ITIH4: variants seen among roughly 807,000 people sequenced by gnomAD.
ITIH4 encodes inter-alpha-trypsin inhibitor heavy chain H4.
A neutral mutation model predicts 111.8 loss-of-function variants in ITIH4; 79 were observed. That is an observed-to-expected ratio of 0.71 (90% CI 0.59 to 0.85). The LOEUF (loss-of-function observed/expected upper bound fraction) is 0.85. Among genes scored for constraint, ITIH4 ranks in the 40% least tolerant of loss-of-function variants. The probability of loss-of-function intolerance (pLI) is 0.00; values close to 1 mark genes in which losing one functional copy is unlikely to be tolerated. For synonymous variants in ITIH4, 472 were observed against 468.3 expected, an observed-to-expected ratio of 1.01 and a Z score of -0.10; for missense variants, 1,065 against 1,195.8, an observed-to-expected ratio of 0.89 and a Z score of 1.61.
At position 52,818,554 on chromosome 3, in the gene ITIH4, G is replaced by C; in HGVS notation, c.2078-18C>G. The C allele has an allele frequency of 6.3e-7, 1 of 1,588,148 alleles. No homozygotes were observed. Among genetic ancestry groups the C allele is most frequent in the Non-Finnish European group, 8.6e-7 (1 of 1,166,856 alleles). ...AGCAGGCACTAGGGCAGGAACATCC[G>C]GAAACAGAAAGGGAGCAGGAAGGCA... On this transcript the variant is annotated intron_variant, in intron 17 of 23. Coordinates refer to ENST00000266041, the MANE Select transcript of ITIH4 (RefSeq NM_002218.5).
chr3:52,828,799 C>T (rs1176563070), intron 2 of ITIH4, among the ~76,000 whole-genome samples: 1 of 152,166 alleles, frequency 6.6e-6, no homozygotes, highest in East Asian at 1.9e-4. Flanking sequence ...TTGGTGACTC[C>T]CTCTTGCCTG....
At chr3:52,820,037 G>A (rs746990708) in intron 14 of ITIH4, 47 bp from the exon 15 acceptor site, 3 of 1,588,208 alleles carry the variant, frequency 1.9e-6, no homozygotes, top group Admixed American at 3.3e-5. Context: ...CCACCTTCCT[G>A]TGGCCCCACT....
At chr3:52,821,195 T>C in intron 11 of ITIH4, 65 bp from the exon 12 acceptor site, 1 of 1,561,336 alleles carries the variant, frequency 6.4e-7, no homozygotes, top group African/African-American at 1.4e-5. Flanking sequence ...TGCCTGGCAC[T>C]TCTGAGCTCT....
Position 52,827,082 on chromosome 3 carries a change from C to G in ITIH4, c.356+11G>C, listed in dbSNP as rs199822534. 1.2e-4 allele frequency: 201 copies of G among 1,612,770 alleles called. No individual in the cohort carries two copies. In the East Asian group the frequency reaches 3.8e-3, roughly 30 times the overall value. ...GACCCTCCCCACTGAAGCTGCCCCC[C>G]ACCAGCTCACTTGACGAGGCCAGCG... On this transcript the variant is annotated intron_variant, in intron 3 of 23. Transcript: ENST00000266041.
rs148519727 is a variant in ITIH4, at chr3:52,829,053, G to A, written c.251+66C>T. 1.7e-3 allele frequency: 2,337 copies of A among 1,385,086 alleles called. 29 individuals are homozygous for A. In the African/African-American group the frequency reaches 0.029, roughly 17 times the overall value. The allele number at this position is 1,385,086 out of a possible 1,614,324, so 85.8% of individuals were successfully genotyped here. A position where few individuals can be genotyped will look rare whatever the true frequency, so the allele number is the denominator to read the frequency against. On this transcript the variant is annotated intron_variant, in intron 2 of 23. Transcript: ENST00000266041. ...CTTACTTCAAGAAGAGGGTTTGCTG[G>A]CACAGAGCGATGGAGTCATAGCACT... is the stretch of plus-strand genomic sequence containing the variant.
At chr3:52,830,220 G>A (rs982820364) in intron 1 of ITIH4, 1 of 396,396 alleles carries the variant, frequency 2.5e-6, no homozygotes, top group South Asian at 2.0e-5. Flanking sequence ...ATAGGTTCTA[G>A]TATTACCCTG....
intron 11 of ITIH4, 40 bp downstream of exon 11, chr3:52,823,516 G>C: frequency 1.3e-6 from 2 of 1,528,912 alleles, no homozygotes; most frequent in Non-Finnish European, 8.9e-7. Flanking sequence ...CAGAGGTGGA[G>C]GCTGCCATTC....
intron 5 of ITIH4, 93 bp from the exon 6 acceptor site, chr3:52,826,107 T>C (rs529444071): frequency 6.5e-7 from 1 of 1,534,164 alleles, no homozygotes; most frequent in African/African-American, 1.4e-5. Context: ...AAATCAGAAT[T>C]CCAGGATGCA....
Position 52,826,005 on chromosome 3 carries a change from G to A in ITIH4, c.640C>T (p.Arg214Trp), listed in dbSNP as rs754548083. The change falls in exon 6 of 24, where the codon CGG becomes TGG. Residue 214 changes from arginine to tryptophan, a missense_variant. By Grantham distance (101) the Arg-to-Trp change is moderately radical (BLOSUM62 -3). Transcript: ENST00000266041. ...TWQNKTKAHIRFKPTLSQQQK... is the reference protein window; with the variant it reads ...TWQNKTKAHIWFKPTLSQQQK... Reference sequence around the variant, plus strand: ...TGCTGGGAAAGTGTTGGCTTGAACCGGATGTGAGCCTGGAGGAATAATCCG... The same window carrying A: ...TGCTGGGAAAGTGTTGGCTTGAACCAGATGTGAGCCTGGAGGAATAATCCG... The A allele has an allele frequency of 8.7e-6, 14 of 1,614,074 alleles. No homozygotes were observed. The highest frequency in any genetic ancestry group is 3.3e-5 in the South Asian group (3 of 91,068).
intron 6 of ITIH4, among the ~76,000 whole-genome samples, chr3:52,825,570 C>G (rs982232067): frequency 6.6e-6 from 1 of 152,008 alleles, no homozygotes; most frequent in Non-Finnish European, 1.5e-5. Flanking sequence ...AATATAACAA[C>G]AATAATAATG....
At chr3:52,830,178 T>C in intron 1 of ITIH4, 1 of 366,290 alleles carries the variant, frequency 2.7e-6, no homozygotes, top group South Asian at 2.1e-5. Flanking sequence ...ATAGATACAA[T>C]GGGTTTGGTT....
intron 23 of ITIH4, 99 bp from the exon 24 acceptor site, chr3:52,813,589 G>A (rs1482510845): frequency 2.0e-6 from 2 of 1,005,076 alleles, no homozygotes; most frequent in African/African-American, 3.2e-5. Flanking sequence ...GGAGGGCAGG[G>A]AGTCCTGGCG....
intron 12 of ITIH4, 22 bp from the exon 13 acceptor site, chr3:52,820,807 G>T (rs779196261): frequency 6.3e-7 from 1 of 1,589,534 alleles, no homozygotes; most frequent in African/African-American, 1.3e-5. Flanking sequence ...GCACATCAGA[G>T]CTCAGGAGAT....
chr3:52,818,049 C>T lies in ITIH4; in HGVS notation c.2296+3G>A. 6.2e-7 allele frequency: 1 copy of T among 1,610,164 alleles called. No individual in the cohort carries two copies. Among genetic ancestry groups the T allele is most frequent in the Non-Finnish European group, 8.5e-7 (1 of 1,177,232 alleles). On this transcript the variant is annotated splice_donor_region_variant and intron_variant, in intron 20 of 23. Transcript: ENST00000266041. ...TGGGTCTCTCTGGGTGTGCCTCTCT[C>T]ACCTTGCTCAGGGTCTGAGAGCAGG...
chr3:52,816,515 C>A (rs997502819), intron 21 of ITIH4, among the ~76,000 whole-genome samples: 1 of 152,180 alleles, frequency 6.6e-6, no homozygotes, highest in African/African-American at 2.4e-5. Flanking sequence ...CAACTACACT[C>A]TCTCATTGGG....
chr3:52,823,279 G>A (rs1031847159), intron 11 of ITIH4: 2 of 403,462 alleles, frequency 5.0e-6, no homozygotes, highest in Non-Finnish European at 8.9e-6. Context: ...AACCTGAGAG[G>A]GTTGTGGTAC....
rs1161518479 is a variant in ITIH4, at chr3:52,823,449, CAG to C, written c.1539+105_1539+106del. On this transcript the variant is annotated intron_variant, in intron 11 of 23. Coordinates refer to ENST00000266041, the MANE Select transcript of ITIH4 (RefSeq NM_002218.5). ...ATGCCCCTGTGTCATCCACAGGCAG[CAG>C]AGGGGAAAGCTGGAGCTGGGCAGGT... The C allele has an allele frequency of 6.8e-6, 6 of 876,106 alleles. No individual in the cohort carries two copies. The African/African-American group carries it at 1.0e-4, about 15-fold the overall frequency. The allele number at this position is 876,106 out of a possible 1,614,324, so 54.3% of individuals were successfully genotyped here. A position where few individuals can be genotyped will look rare whatever the true frequency, so the allele number is the denominator to read the frequency against.
Position 52,819,407 on chromosome 3 carries a change from C to T in ITIH4, c.2063G>A (p.Arg688His), listed in dbSNP as rs769039012. ...VPDHAAYHPF[R>H]RLAILPASAP... Reference sequence around the variant, plus strand: ...AGGCAGCTTACAGATGGCCAGACGGCGGAAGGGGTGGTAAGCAGCATGGTC... The same window carrying T: ...AGGCAGCTTACAGATGGCCAGACGGTGGAAGGGGTGGTAAGCAGCATGGTC... The change falls in exon 17 of 24, where the codon CGC (arginine) becomes CAC (histidine). Residue 688 changes from arginine to histidine, a missense_variant. Physicochemically the swap from Arg to His is conservative, Grantham distance 29. Coordinates refer to ENST00000266041, the MANE Select transcript of ITIH4 (RefSeq NM_002218.5). 3.0e-5 allele frequency: 48 copies of T among 1,613,886 alleles called. No homozygotes were observed. Among genetic ancestry groups the T allele is most frequent in the Middle Eastern group, 3.3e-4 (2 of 6,082 alleles).
chr3:52,814,433 G>C, intron 21 of ITIH4, 70 bp from the exon 22 acceptor site: 1 of 1,417,008 alleles, frequency 7.1e-7, no homozygotes, highest in South Asian at 1.2e-5. Flanking sequence ...AGTCAGGGTG[G>C]GGAGTGGGCT....
Sources: allele counts gnomAD v4.1 joint callset (sites outside exome capture counted in the v4.1 genomes callset), GRCh38; gene constraint gnomAD v4.1.1; transcripts MANE v1.5; gene names NCBI Gene and HGNC (gene_info 2026-07-23, HGNC 2026-07-21).